The following MAGI1 variants were observed in gnomAD, a reference collection of about 807,000 sequenced individuals.
The protein encoded by MAGI1 is membrane associated guanylate kinase, WW and PDZ domain containing 1.
In MAGI1, 58 loss-of-function variants were observed where a neutral mutation model predicts 139.9. That is an observed-to-expected ratio of 0.41 (90% CI 0.34 to 0.52). The LOEUF is 0.52. Ranked by LOEUF, MAGI1 falls within the 20% of genes least tolerant of loss-of-function variation. The pLI is 0.12. For synonymous variants in MAGI1, 812 were observed against 737.9 expected, an observed-to-expected ratio of 1.10 and a Z score of -1.63; for missense variants, 1,874 against 1,901.6, an observed-to-expected ratio of 0.99 and a Z score of 0.27.
chr3:65,824,118 A>C (rs886761090), intron 1 of MAGI1, among the ~76,000 whole-genome samples: 3 of 152,324 alleles, frequency 2.0e-5, no homozygotes, highest in African/African-American at 7.2e-5. Context: ...TCCTTAGGAA[A>C]ATTTTAAGAA....
chr3:65,723,167 T>C (rs2107696248), intron 1 of MAGI1, among the ~76,000 whole-genome samples: 1 of 152,276 alleles, frequency 6.6e-6, no homozygotes, highest in South Asian at 2.1e-4. Context: ...AAAACCTAGA[T>C]GAACTAAGAA....
intron 1 of MAGI1, among the ~76,000 whole-genome samples, chr3:65,684,417 A>T (rs1178842445): frequency 6.6e-6 from 1 of 152,156 alleles, no homozygotes; most frequent in East Asian, 1.9e-4. Context: ...AATACTACTC[A>T]GCAATAAAAA....
chr3:65,671,350 C>T (rs1253979973), intron 1 of MAGI1, among the ~76,000 whole-genome samples: 1 of 152,124 alleles, frequency 6.6e-6, no homozygotes, highest in Non-Finnish European at 1.5e-5. Context: ...GCAGCAGTAT[C>T]CTCGGCTCTT....
At chr3:65,410,131 T>C (rs1945669485) in intron 12 of MAGI1, among the ~76,000 whole-genome samples, 1 of 152,184 alleles carries the variant, frequency 6.6e-6, no homozygotes, top group South Asian at 2.1e-4. Context: ...ATGGATGAAT[T>C]GTCTCCATGC....
At chr3:65,951,670 G>C (rs149911817) in intron 1 of MAGI1, among the ~76,000 whole-genome samples, 11 of 152,156 alleles carry the variant, frequency 7.2e-5, no homozygotes, top group African/African-American at 2.2e-4. Context: ...TAAATTACAA[G>C]TGGTTCGCAT....
intron 13 of MAGI1, among the ~76,000 whole-genome samples, chr3:65,396,636 A>G (rs1213595902): frequency 6.6e-6 from 1 of 152,256 alleles, no homozygotes; most frequent in Non-Finnish European, 1.5e-5. Flanking sequence ...AAAAGAATTC[A>G]TGTGGCTTAA....
intron 2 of MAGI1, among the ~76,000 whole-genome samples, chr3:65,612,382 T>TTTTTAATGTTTTGTA (rs2083170255): frequency 6.6e-6 from 1 of 152,080 alleles, no homozygotes; most frequent in Non-Finnish European, 1.5e-5. Context: ...TTTGTAACCA[T>TTTTTAATGTTTTGTA]TTTTAATGTT....
intron 18 of MAGI1, among the ~76,000 whole-genome samples, chr3:65,373,990 A>T (rs1488035670): frequency 6.6e-6 from 1 of 152,206 alleles, no homozygotes; most frequent in Non-Finnish European, 1.5e-5. Context: ...TGAACTATAA[A>T]GTTCACTTTC....
chr3:65,830,892 GC>G (rs1344241800), intron 1 of MAGI1, among the ~76,000 whole-genome samples: 1 of 152,118 alleles, frequency 6.6e-6, no homozygotes, highest in Non-Finnish European at 1.5e-5. Context: ...AAACAAGCAT[GC>G]AAAACTATGG....
intron 1 of MAGI1, chr3:65,874,626 C>T (rs559472258): frequency 4.6e-5 from 7 of 152,258 alleles, no homozygotes; most frequent in African/African-American, 9.6e-5. Context: ...CTGGTGACGA[C>T]GTGAAGAAAC....
chr3:65,624,358 T>G (rs967226614), intron 1 of MAGI1, among the ~76,000 whole-genome samples: 2 of 151,750 alleles, frequency 1.3e-5, no homozygotes, highest in African/African-American at 4.8e-5. Flanking sequence ...TAGCCAAAAA[T>G]TGGAAACAAC....
chr3:65,727,931 A>T (rs1457255435), intron 1 of MAGI1, among the ~76,000 whole-genome samples: 1 of 152,212 alleles, frequency 6.6e-6, no homozygotes, highest in Non-Finnish European at 1.5e-5. Flanking sequence ...GAGAGTGACT[A>T]TAGGTGGAAA....
intron 2 of MAGI1, among the ~76,000 whole-genome samples, chr3:65,616,219 C>A (rs1281522186): frequency 2.6e-5 from 4 of 151,040 alleles, no homozygotes; most frequent in Non-Finnish European, 1.5e-5. Flanking sequence ...TGGAGAAGGA[C>A]AGGTGTAAGC....
chr3:65,627,614 C>A (rs984212718), intron 1 of MAGI1, among the ~76,000 whole-genome samples: 1 of 147,030 alleles, frequency 6.8e-6, no homozygotes, highest in Non-Finnish European at 1.5e-5. Context: ...TTCACGCCAT[C>A]CTCCTGCCTC....
intron 12 of MAGI1, among the ~76,000 whole-genome samples, chr3:65,404,357 C>T (rs1161872235): frequency 6.6e-6 from 1 of 152,114 alleles, no homozygotes; most frequent in Non-Finnish European, 1.5e-5. Context: ...ATGGAATATT[C>T]CAGAAGATCC....
intron 1 of MAGI1, among the ~76,000 whole-genome samples, chr3:65,812,032 G>C (rs568077588): frequency 6.6e-6 from 1 of 151,742 alleles, no homozygotes; most frequent in Non-Finnish European, 1.5e-5. Context: ...ACAAAAACTC[G>C]GCGGGAGAGG....
At chr3:65,604,793 A>T (rs2082657175) in intron 2 of MAGI1, among the ~76,000 whole-genome samples, 6 of 152,180 alleles carry the variant, frequency 3.9e-5, no homozygotes. Context: ...AAAATCAAAC[A>T]GCAAATGGGG....
intron 1 of MAGI1, among the ~76,000 whole-genome samples, chr3:65,800,389 C>G (rs762488356): frequency 6.6e-6 from 1 of 152,118 alleles, no homozygotes; most frequent in Non-Finnish European, 1.5e-5. Context: ...TTTCTATACA[C>G]TGAAGAGTAT....
intron 1 of MAGI1, among the ~76,000 whole-genome samples, chr3:65,791,829 T>C (rs1348441505): frequency 2.0e-5 from 3 of 152,150 alleles, no homozygotes; most frequent in African/African-American, 7.2e-5. Context: ...TCTGGGTGTT[T>C]CTTTAAGGCT....
Sources: allele counts gnomAD v4.1 joint callset (sites outside exome capture counted in the v4.1 genomes callset), GRCh38; gene constraint gnomAD v4.1.1; transcripts MANE v1.5; gene names NCBI Gene and HGNC (gene_info 2026-07-23, HGNC 2026-07-21).